Variants in KLHL6 observed in about 807,000 individuals in gnomAD.
KLHL6 encodes the protein kelch-like protein 6.
Under a neutral mutation model 58.6 loss-of-function variants are expected in KLHL6, and 41 were observed. The ratio of observed to expected loss-of-function variants is 0.70; its 90% CI spans 0.55 to 0.91. The LOEUF (loss-of-function observed/expected upper bound fraction) is 0.91, where lower values mean the gene tolerates loss of function less well. Among genes scored for constraint, KLHL6 ranks in the 40% least tolerant of loss-of-function variants. The pLI is 0.00. For missense variants in KLHL6, 714 were observed against 805.6 expected (o/e 0.89, Z 1.38); for synonymous variants, 338 against 322.7 (o/e 1.05, Z -0.51).
intron 2 of KLHL6, among the ~76,000 whole-genome samples, chr3:183,523,452 G>A (rs1711839703): frequency 6.6e-6 from 1 of 152,216 alleles, no homozygotes. Flanking sequence ...CTCAGGCCCA[G>A]GCCAGATGAC....
rs553586447 is a variant in KLHL6, at chr3:183,492,776, G to A, written c.1351-69C>T. ...CCCAGATTGCTGCAGTAGCTCCCAG[G>A]ATACAGGACAGAGCTCCGGGACACA... On this transcript the variant is annotated intron_variant, in intron 5 of 6. Transcript: ENST00000341319. This position sits in a 1 kb window ranked among gnomAD's most constrained non-coding sequence, Gnocchi z 5.9. 4.3e-4 allele frequency: 617 copies of A among 1,450,554 alleles called. No individual in the cohort carries two copies. Among genetic ancestry groups the A allele is most frequent in the Non-Finnish European group, 5.8e-4 (604 of 1,042,962 alleles). 89.9% of individuals were successfully genotyped at this position (1,450,554 alleles called of 1,614,324 possible).
chr3:183,525,645 G>A (rs541696424), intron 2 of KLHL6, among the ~76,000 whole-genome samples: 59 of 152,244 alleles, frequency 3.9e-4, no homozygotes, highest in African/African-American at 1.3e-3. Flanking sequence ...CTGCTTGCCC[G>A]TGTTCTTTCT....
In KLHL6 at chr3:183,494,374, C is replaced by G. The variant is rs1577174482; in HGVS notation, c.1148-93G>C. The stretch of plus-strand genomic sequence containing the variant: ...CCCACATGTCCAAAAGTGCCAGGTC[C>G]CCAGGCCAGCCCTACCCTGAGGGGA... On this transcript the variant is annotated intron_variant, in intron 4 of 6. Coordinates refer to ENST00000341319, the MANE Select transcript of KLHL6 (RefSeq NM_130446.4). 31 of 1,004,216 alleles carry G rather than the reference C, an allele frequency of 3.1e-5. No homozygotes were observed. In the East Asian group the frequency reaches 7.5e-4, roughly 24 times the overall value. 62.2% of individuals were successfully genotyped at this position (1,004,216 alleles called of 1,614,324 possible).
chr3:183,492,228 C>T lies in KLHL6; in HGVS notation c.1565G>A (p.Gly522Asp). 1 of 1,588,458 alleles carries T rather than the reference C, an allele frequency of 6.3e-7. No individual in the cohort carries two copies. The highest frequency in any genetic ancestry group is 2.2e-5 in the East Asian group (1 of 44,470). Residue 522 changes from glycine to aspartate, a missense_variant and splice_region_variant, in exon 7 of 7, where the codon GGT (glycine) becomes GAT (aspartate). Coordinates refer to ENST00000341319, the MANE Select transcript of KLHL6 (RefSeq NM_130446.4). This position sits in a 1 kb window ranked among gnomAD's most constrained non-coding sequence, Gnocchi z 5.9. Reference sequence around the variant, plus strand: ...GGCGTACAGCGCTCTCATGGCCCCACCTGAGGAGAGGGAGGAAACACGGTG... The same window carrying T: ...GGCGTACAGCGCTCTCATGGCCCCATCTGAGGAGAGGGAGGAAACACGGTG... ...VSFRDRIYVV[G>D]GAMRALYAYS...
intron 2 of KLHL6, 106 bp downstream of exon 2, chr3:183,527,739 T>C (rs910720422): frequency 9.3e-6 from 8 of 858,464 alleles, no homozygotes; most frequent in Non-Finnish European, 1.5e-5. Context: ...TGTGTGTGTG[T>C]CCATGTCCCA....
chr3:183,493,318 C>T lies in KLHL6; in HGVS notation c.1351-611G>A, dbSNP rs142809293. The T allele has an allele frequency of 1.5e-3, 231 of 155,678 alleles. 1 individual carries two copies. Among genetic ancestry groups the T allele is most frequent in the African/African-American group, 5.3e-3 (220 of 41,576 alleles). The allele number at this position is 155,678 out of a possible 1,614,324, so 9.6% of individuals were successfully genotyped here. On this transcript the variant is annotated intron_variant, in intron 5 of 6. Transcript: ENST00000341319. The stretch of plus-strand genomic sequence containing the variant: ...ATCGTGGAGCAGCTCTGTGATAGGG[C>T]TTGTTTTGAGAAGATCCTGGGCATG...
At chr3:183,532,981 A>C (rs1712208860) in intron 1 of KLHL6, among the ~76,000 whole-genome samples, 1 of 152,250 alleles carries the variant, frequency 6.6e-6, no homozygotes, top group Non-Finnish European at 1.5e-5. Flanking sequence ...CTTTTCTCAG[A>C]AAATGTACTA....
intron 1 of KLHL6, among the ~76,000 whole-genome samples, chr3:183,548,470 T>G (rs1162366743): frequency 6.6e-6 from 1 of 152,178 alleles, no homozygotes; most frequent in African/African-American, 2.4e-5. Flanking sequence ...CCTGGAATCC[T>G]TGTCTGGATT....
intron 3 of KLHL6, among the ~76,000 whole-genome samples, chr3:183,501,401 T>A (rs1438410714): frequency 6.6e-6 from 1 of 152,194 alleles, no homozygotes; most frequent in East Asian, 1.9e-4. Flanking sequence ...TCGGAGGGGA[T>A]CTAGGTGTTT....
intron 3 of KLHL6, among the ~76,000 whole-genome samples, chr3:183,504,139 A>G (rs942055326): frequency 3.3e-5 from 5 of 152,232 alleles, no homozygotes; most frequent in Admixed American, 2.0e-4. Flanking sequence ...AAAATGATTG[A>G]TTGTGAGAGA....
chr3:183,540,806 C>G (rs1022813470), intron 1 of KLHL6, among the ~76,000 whole-genome samples: 1 of 152,182 alleles, frequency 6.6e-6, no homozygotes, highest in Non-Finnish European at 1.5e-5. Context: ...CATCTTCCAC[C>G]TCCTTCCTGA....
chr3:183,495,579 CAA>C (rs11459693), intron 4 of KLHL6, among the ~76,000 whole-genome samples: 4 of 142,664 alleles, frequency 2.8e-5, no homozygotes, highest in Non-Finnish European at 3.1e-5. Flanking sequence ...TATTTTAGGA[CAA>C]AAAAAAAAAA....
chr3:183,528,384 G>A (rs1712050709), intron 1 of KLHL6, among the ~76,000 whole-genome samples: 1 of 152,206 alleles, frequency 6.6e-6, no homozygotes, highest in African/African-American at 2.4e-5. Flanking sequence ...ACTAGCTCTC[G>A]TTTGGCCTGG....
At chr3:183,539,601 C>T (rs535798123) in intron 1 of KLHL6, among the ~76,000 whole-genome samples, 16 of 151,564 alleles carry the variant, frequency 1.1e-4, no homozygotes, top group Non-Finnish European at 2.9e-5. Flanking sequence ...CTCAGCTTCT[C>T]GGGAGGCTGA....
chr3:183,511,648 T>A lies in KLHL6; in HGVS notation c.460-3140A>T, dbSNP rs11925639. On this transcript the variant is annotated intron_variant, in intron 2 of 6. Coordinates refer to ENST00000341319, the MANE Select transcript of KLHL6 (RefSeq NM_130446.4). Reference sequence around the variant, plus strand: ...TTCTGCAGTGCATTGTGCCCCTGGTTTATTGAGACTGGAGAATGGCAATGA... The same window carrying A: ...TTCTGCAGTGCATTGTGCCCCTGGTATATTGAGACTGGAGAATGGCAATGA... Among the ~76,000 whole-genome samples, 620 of 152,256 alleles carry A rather than the reference T, an allele frequency of 4.1e-3. 3 individuals are homozygous for A. Among genetic ancestry groups the A allele is most frequent in the African/African-American group, 0.014 (593 of 41,542 alleles).
chr3:183,541,319 A>G (rs1266533858), intron 1 of KLHL6, among the ~76,000 whole-genome samples: 1 of 152,148 alleles, frequency 6.6e-6, no homozygotes, highest in African/African-American at 2.4e-5. Context: ...AGGGAAAGGG[A>G]CAGAAGACAG....
chr3:183,552,916 A>C (rs939214688), intron 1 of KLHL6, among the ~76,000 whole-genome samples: 1 of 151,994 alleles, frequency 6.6e-6, no homozygotes, highest in African/African-American at 2.4e-5. Context: ...ACTTTGGCTC[A>C]CCGTCGGTAG....
intron 5 of KLHL6, chr3:183,493,755 A>G: frequency 2.9e-6 from 1 of 348,816 alleles, no homozygotes; most frequent in South Asian, 3.4e-5. Context: ...TGAGGAGACA[A>G]GACTCTACAC....
chr3:183,555,503 C>G lies in KLHL6; in HGVS notation c.151G>C (p.Asp51His), dbSNP rs895697793. 3.1e-6 allele frequency: 5 copies of G among 1,614,158 alleles called. No individual in the cohort carries two copies. Among genetic ancestry groups the G allele is most frequent in the Non-Finnish European group, 4.2e-6 (5 of 1,180,044 alleles). ...ILNGEKVKFD[D>H]AGLSLILQNG... ...TGAAGAATTAAGGAGAGTCCCGCGT[C>G]GTCAAATTTGACCTTTTCCCCATTT... Residue 51 changes from aspartate to histidine, a missense_variant, in exon 1 of 7, where the codon GAC becomes CAC. Asp to His is a moderately conservative substitution (Grantham distance 81). This residue lies in a region of KLHL6 where 204 missense variants were observed against 175.9 expected (regional missense o/e 1.16). Transcript: ENST00000341319.
Sources: gnomAD v4.1 joint callset for allele counts (sites outside exome capture counted in the v4.1 genomes callset) on GRCh38, gnomAD v4.1.1 for gene constraint, gnomAD v4.1.1 regional missense constraint, Gnocchi (gnomAD v3.1) non-coding constraint, MANE v1.5 for transcripts, NCBI Gene and HGNC (gene_info 2026-07-23, HGNC 2026-07-21) for gene names.